PPP2R2C: variants seen among roughly 807,000 people sequenced by gnomAD.
PPP2R2C encodes the protein protein phosphatase 2, regulatory subunit B, gamma.
Under a neutral mutation model 45.3 loss-of-function variants are expected in PPP2R2C, and 10 were observed. The observed-to-expected ratio is 0.22, with a 90% CI of 0.14 to 0.37. The LOEUF (loss-of-function observed/expected upper bound fraction) is 0.37. Among genes scored for constraint, PPP2R2C ranks in the 10% least tolerant of loss-of-function variants. The pLI, the probability that PPP2R2C is intolerant of heterozygous loss-of-function variation, is 1.00. For synonymous variants in PPP2R2C, 257 were observed against 245.4 expected (o/e 1.05, Z -0.44); for missense variants, 308 against 619.7 (o/e 0.50, Z 5.34).
chr4:6,347,801 GCC>G, intron 6 of PPP2R2C, 43 bp downstream of exon 6: 17 of 696,798 alleles, frequency 2.4e-5, no homozygotes, highest in Non-Finnish European at 3.4e-5. Flanking sequence ...CCACCCGCCC[GCC>G]TGCCCAATGC....
intron 1 of PPP2R2C, among the ~76,000 whole-genome samples, chr4:6,420,687 TCAA>T (rs1241886985): frequency 6.6e-6 from 1 of 152,066 alleles, no homozygotes; most frequent in Non-Finnish European, 1.5e-5. Context: ...TCCAACTAAC[TCAA>T]CAACCTCTCA....
intron 1 of PPP2R2C, among the ~76,000 whole-genome samples, chr4:6,439,649 AC>A (rs1458186872): frequency 6.6e-6 from 1 of 151,390 alleles, no homozygotes. Context: ...CCTCCAGTCC[AC>A]CCCCATCTCA....
At chr4:6,541,119 C>A (rs1724791796) in intron 1 of PPP2R2C, among the ~76,000 whole-genome samples, 1 of 152,160 alleles carries the variant, frequency 6.6e-6, no homozygotes, top group Non-Finnish European at 1.5e-5. Flanking sequence ...GGATCTTTCC[C>A]AAAAGCCCCA....
intron 6 of PPP2R2C, among the ~76,000 whole-genome samples, chr4:6,342,081 TACACACAC>T (rs58305750): frequency 0.13 from 17,669 of 139,488 alleles, 1,189 homozygotes; most frequent in African/African-American, 0.19. Flanking sequence ...TCTGCCACGA[TACACACAC>T]ACACACACAC....
At chr4:6,389,653 G>A (rs1323058453) in intron 1 of PPP2R2C, among the ~76,000 whole-genome samples, 5 of 152,194 alleles carry the variant, frequency 3.3e-5, no homozygotes, top group African/African-American at 4.8e-5. Flanking sequence ...GCGGGGTGAC[G>A]TGGCGTCTGT....
At chr4:6,502,837 C>T (rs754765189) in intron 2 of PPP2R2C, among the ~76,000 whole-genome samples, 1 of 152,150 alleles carries the variant, frequency 6.6e-6, no homozygotes, top group African/African-American at 2.4e-5. Context: ...AGCCGAAAAA[C>T]CTTGGAGATG....
Position 6,385,785 on chromosome 4 carries a change from G to A in PPP2R2C, c.71-4691C>T, listed in dbSNP as rs115803574. ...GGGTTTCACCATATTGGTCAGGTTG[G>A]TAAACTCCTGACCTCAAGTGATCTG... On this transcript the variant is annotated intron_variant, in intron 1 of 8. Transcript: ENST00000382599. 6.4e-3 allele frequency among the ~76,000 whole-genome samples: 968 copies of A among 152,208 alleles called. 15 individuals are homozygous for A. Among genetic ancestry groups the A allele is most frequent in the African/African-American group, 0.022 (902 of 41,518 alleles).
Position 6,471,200 on chromosome 4 carries a change from G to A in PPP2R2C, c.70+960C>T, listed in dbSNP as rs944508863. 5.9e-5 allele frequency among the ~76,000 whole-genome samples: 9 copies of A among 152,120 alleles called. No homozygotes were observed. Among genetic ancestry groups the A allele is most frequent in the African/African-American group, 2.2e-4 (9 of 41,440 alleles). On this transcript the variant is annotated intron_variant, in intron 1 of 8. Coordinates refer to ENST00000382599, the MANE Select transcript of PPP2R2C (RefSeq NM_020416.4). This position sits in a 1 kb window ranked among gnomAD's most constrained non-coding sequence, Gnocchi z 5.6. ...GAATCCGCGCACACTTCTGCGGCCG[G>A]GCCGCCAGCCCGTGGGTTAGCGGCT...
At chr4:6,496,689 C>G (rs1219614330) in intron 2 of PPP2R2C, among the ~76,000 whole-genome samples, 1 of 152,020 alleles carries the variant, frequency 6.6e-6, no homozygotes, top group Non-Finnish European at 1.5e-5. Flanking sequence ...TGGTGAAACC[C>G]TATCTCTACT....
At chr4:6,467,688 G>A (rs1476218385) in intron 1 of PPP2R2C, among the ~76,000 whole-genome samples, 1 of 152,212 alleles carries the variant, frequency 6.6e-6, no homozygotes, top group Non-Finnish European at 1.5e-5. Flanking sequence ...GGCTGTACGA[G>A]TTGGGGTGCT....
chr4:6,351,493 T>A (rs1712551703), intron 5 of PPP2R2C, among the ~76,000 whole-genome samples: 1 of 151,886 alleles, frequency 6.6e-6, no homozygotes, highest in African/African-American at 2.4e-5. Flanking sequence ...GGCAAAGGGA[T>A]CGAGGGCCTG....
At chr4:6,456,115 C>T (rs1560561249) in intron 1 of PPP2R2C, among the ~76,000 whole-genome samples, 1 of 152,230 alleles carries the variant, frequency 6.6e-6, no homozygotes, top group South Asian at 2.1e-4. Context: ...AATAATAATA[C>T]CTACATCGTG....
chr4:6,343,248 C>T (rs1189507510), intron 6 of PPP2R2C, among the ~76,000 whole-genome samples: 2 of 152,134 alleles, frequency 1.3e-5, no homozygotes, highest in African/African-American at 4.8e-5. Context: ...GCCACTCGCC[C>T]CAATGTGCGG....
intron 1 of PPP2R2C, among the ~76,000 whole-genome samples, chr4:6,460,817 C>A (rs979852052): frequency 6.6e-6 from 1 of 152,146 alleles, no homozygotes; most frequent in Non-Finnish European, 1.5e-5. Context: ...TACTTTCAAA[C>A]AAAGGGAAAT....
intron 2 of PPP2R2C, among the ~76,000 whole-genome samples, chr4:6,483,875 A>C (rs1722449436): frequency 6.6e-6 from 1 of 152,066 alleles, no homozygotes; most frequent in Non-Finnish European, 1.5e-5. Context: ...AAAGGTTTTT[A>C]CTCTGTTTTC....
At chr4:6,502,476 G>T (rs1171727247) in intron 2 of PPP2R2C, among the ~76,000 whole-genome samples, 2 of 151,208 alleles carry the variant, frequency 1.3e-5, no homozygotes, top group Non-Finnish European at 3.0e-5. Flanking sequence ...CCTTCTTCCT[G>T]CCCTCCCTCT....
intron 1 of PPP2R2C, among the ~76,000 whole-genome samples, chr4:6,388,379 C>G (rs538677697): frequency 6.6e-6 from 1 of 152,286 alleles, no homozygotes; most frequent in East Asian, 1.9e-4. Flanking sequence ...TGAACTGCAT[C>G]CCACAAAAAG....
intron 5 of PPP2R2C, among the ~76,000 whole-genome samples, chr4:6,359,719 C>A (rs1392267130): frequency 6.6e-6 from 1 of 152,108 alleles, no homozygotes; most frequent in Non-Finnish European, 1.5e-5. Flanking sequence ...ACACCAGCCC[C>A]ACGTGAGGCT....
At chr4:6,366,811 C>T (rs1226316942) in intron 5 of PPP2R2C, among the ~76,000 whole-genome samples, 2 of 152,136 alleles carry the variant, frequency 1.3e-5, no homozygotes, top group South Asian at 4.1e-4. Context: ...CAGTGTGACC[C>T]GAGAGGTGGG....
Sources: gnomAD v4.1 joint callset for allele counts (sites outside exome capture counted in the v4.1 genomes callset) on GRCh38, gnomAD v4.1.1 for gene constraint, Gnocchi (gnomAD v3.1) non-coding constraint, MANE v1.5 for transcripts, NCBI Gene and HGNC (gene_info 2026-07-23, HGNC 2026-07-21) for gene names.